The following EYA4 variants were observed in gnomAD, a reference collection of about 807,000 sequenced individuals.
EYA4 encodes the protein protein phosphatase EYA4.
Under a neutral mutation model 87.9 loss-of-function variants are expected in EYA4, and 31 were observed. The ratio of observed to expected loss-of-function variants is 0.35; its 90% CI spans 0.27 to 0.48. EYA4 has a LOEUF of 0.48. EYA4 is among the 20% of genes least tolerant of loss of function. The pLI is 0.99. For missense variants in EYA4, 678 were observed against 761.4 expected (o/e 0.89, Z 1.29); for synonymous variants, 263 against 270.6 (o/e 0.97, Z 0.28).
At chr6:133,423,264 T>A (rs1477310480) in intron 3 of EYA4, among the ~76,000 whole-genome samples, 4 of 152,144 alleles carry the variant, frequency 2.6e-5, no homozygotes, top group Admixed American at 2.6e-4. Context: ...TACACAAAAA[T>A]ATATGCTAGT....
chr6:133,491,081 A>G (rs1196596946), intron 13 of EYA4, among the ~76,000 whole-genome samples: 1 of 152,214 alleles, frequency 6.6e-6, no homozygotes, highest in East Asian at 1.9e-4. Flanking sequence ...GCACATGGAA[A>G]CTAAACAATA....
At chr6:133,450,384 T>C (rs1419591076) in intron 5 of EYA4, among the ~76,000 whole-genome samples, 2 of 152,210 alleles carry the variant, frequency 1.3e-5, no homozygotes, top group Non-Finnish European at 2.9e-5. Flanking sequence ...TTTCAATTCT[T>C]GGTTTTTATT....
intron 3 of EYA4, among the ~76,000 whole-genome samples, chr6:133,392,580 A>C (rs2128497613): frequency 6.6e-6 from 1 of 152,288 alleles, no homozygotes; most frequent in South Asian, 2.1e-4. Context: ...AATTGTGGTT[A>C]TTTTGGGGCG....
At chr6:133,496,646 C>CTGTT (rs3836965) in intron 13 of EYA4, among the ~76,000 whole-genome samples, 122,846 of 151,700 alleles carry the variant, frequency 0.81, 50,021 homozygotes, top group African/African-American at 0.88. Flanking sequence ...TAAGGGCAAA[C>CTGTT]TGACCTCTGA....
At chr6:133,528,658 G>A in intron 19 of EYA4, 67 bp from the exon 20 acceptor site, 3 of 1,121,572 alleles carry the variant, frequency 2.7e-6, no homozygotes, top group East Asian at 2.4e-5. Flanking sequence ...GACAATGGTT[G>A]TGATCTCTCT....
chr6:133,264,794 G>A (rs1176258276), intron 1 of EYA4, among the ~76,000 whole-genome samples: 2 of 152,130 alleles, frequency 1.3e-5, no homozygotes, highest in African/African-American at 2.4e-5. Flanking sequence ...TTTAGCCAGA[G>A]CAAAGCATGC....
intron 2 of EYA4, among the ~76,000 whole-genome samples, chr6:133,301,185 A>G (rs1429429962): frequency 6.6e-6 from 1 of 152,250 alleles, no homozygotes; most frequent in East Asian, 1.9e-4. Flanking sequence ...ATAAGAGTAT[A>G]TTAAACCATC....
At chr6:133,424,181 A>G (rs1359865791) in intron 3 of EYA4, among the ~76,000 whole-genome samples, 3 of 152,138 alleles carry the variant, frequency 2.0e-5, no homozygotes, top group African/African-American at 4.8e-5. Flanking sequence ...TGGCTGTCCT[A>G]TGCCCTGCTC....
chr6:133,496,890 G>C (rs1029822688), intron 13 of EYA4, among the ~76,000 whole-genome samples: 2 of 152,178 alleles, frequency 1.3e-5, no homozygotes, highest in African/African-American at 4.8e-5. Flanking sequence ...CATGTGAAGT[G>C]GCACTGCAGT....
Position 133,477,656 on chromosome 6 carries a change from G to A in EYA4, c.971-3807G>A, listed in dbSNP as rs77728319. ...ATTGCTATTTGCCTGAGAAAGTATA[G>A]CCAAATGGTTAAAGGAGGAGTTCTG... On this transcript the variant is annotated intron_variant, in intron 11 of 19. Transcript: ENST00000355286. Among the ~76,000 whole-genome samples, 1,129 of 152,096 alleles carry A rather than the reference G, an allele frequency of 7.4e-3. 17 individuals are homozygous for A. Among genetic ancestry groups the A allele is most frequent in the African/African-American group, 0.025 (1,054 of 41,484 alleles).
At chr6:133,384,588 T>C (rs1391554008) in intron 3 of EYA4, among the ~76,000 whole-genome samples, 1 of 152,212 alleles carries the variant, frequency 6.6e-6, no homozygotes, top group African/African-American at 2.4e-5. Flanking sequence ...CCTAGAGTCA[T>C]TTGTTGGTTC....
chr6:133,383,545 A>AAAAAAG (rs1312860441), intron 3 of EYA4, among the ~76,000 whole-genome samples: 1 of 149,506 alleles, frequency 6.7e-6, no homozygotes, highest in African/African-American at 2.5e-5. Context: ...AAAAAAAAAA[A>AAAAAAG]TGTAATGGCC....
intron 1 of EYA4, among the ~76,000 whole-genome samples, chr6:133,263,697 T>C (rs953021971): frequency 6.6e-6 from 1 of 152,210 alleles, no homozygotes; most frequent in Non-Finnish European, 1.5e-5. Flanking sequence ...TTGTACAAGA[T>C]ACGCTTCTGA....
chr6:133,338,186 C>A (rs1258989664), intron 2 of EYA4, among the ~76,000 whole-genome samples: 1 of 152,020 alleles, frequency 6.6e-6, no homozygotes, highest in African/African-American at 2.4e-5. Flanking sequence ...CAAAATATTT[C>A]TACCGCAAGT....
intron 3 of EYA4, among the ~76,000 whole-genome samples, chr6:133,408,270 T>C (rs765941737): frequency 6.6e-6 from 1 of 152,182 alleles, no homozygotes; most frequent in Non-Finnish European, 1.5e-5. Flanking sequence ...ACTCCTCCTC[T>C]GAGGGAGACA....
intron 2 of EYA4, among the ~76,000 whole-genome samples, chr6:133,321,834 A>C (rs1427879020): frequency 6.6e-6 from 1 of 152,148 alleles, no homozygotes; most frequent in Non-Finnish European, 1.5e-5. Flanking sequence ...GAGTCATCCT[A>C]GGTGTGTCCT....
chr6:133,516,270 A>G (rs949103540), intron 17 of EYA4, among the ~76,000 whole-genome samples: 12 of 152,194 alleles, frequency 7.9e-5, no homozygotes, highest in Non-Finnish European at 1.5e-5. Flanking sequence ...AGAATCAGAA[A>G]GAGTAACTGT....
At chr6:133,322,014 G>C (rs141811538) in intron 2 of EYA4, among the ~76,000 whole-genome samples, 10 of 152,244 alleles carry the variant, frequency 6.6e-5, no homozygotes, top group African/African-American at 2.4e-4. Context: ...CTATGACTTT[G>C]TATATTTTCA....
intron 5 of EYA4, among the ~76,000 whole-genome samples, chr6:133,455,115 G>A (rs1411146502): frequency 6.6e-6 from 1 of 152,124 alleles, no homozygotes; most frequent in Non-Finnish European, 1.5e-5. Context: ...CTCTCAATAA[G>A]TATTAGTTTT....
Sources: gnomAD v4.1 joint callset for allele counts (sites outside exome capture counted in the v4.1 genomes callset) on GRCh38, gnomAD v4.1.1 for gene constraint, MANE v1.5 for transcripts, NCBI Gene and HGNC (gene_info 2026-07-23, HGNC 2026-07-21) for gene names.